Variants in SEC24B observed in about 807,000 individuals in gnomAD.
SEC24B encodes protein transport protein Sec24B.
A neutral mutation model predicts 142.8 loss-of-function variants in SEC24B; 45 were observed. That is an observed-to-expected ratio of 0.32 (90% CI 0.25 to 0.40). The LOEUF is 0.40. Among genes scored for constraint, SEC24B ranks in the 10% least tolerant of loss-of-function variants. The pLI is 1.00. For synonymous variants in SEC24B, 574 were observed against 568.2 expected, an observed-to-expected ratio of 1.01 and a Z score of -0.15; for missense variants, 1,409 against 1,526.8, an observed-to-expected ratio of 0.92 and a Z score of 1.29.
intron 4 of SEC24B, among the ~76,000 whole-genome samples, chr4:109,490,382 A>G (rs1366352229): frequency 6.6e-6 from 1 of 152,096 alleles, no homozygotes; most frequent in Non-Finnish European, 1.5e-5. Context: ...CCCTATTACA[A>G]TTGAAAATTA....
rs993082343 is a variant in SEC24B at position 109,463,001 on chromosome 4, G to T, written c.234G>T (p.Met78Ile). The T allele has an allele frequency of 1.9e-6, 3 of 1,613,974 alleles. No individual in the cohort carries two copies. The highest frequency in any genetic ancestry group is 2.7e-5 in the African/African-American group (2 of 74,902). The part of the protein sequence containing the change: ...SGHYSQGPGK[M>I]TSLPLDTQCG... Reference sequence around the variant, plus strand: ...ATTACTCTCAAGGACCTGGGAAAATGACCTCATTGCCATTGGATACCCAGT... The same window carrying T: ...ATTACTCTCAAGGACCTGGGAAAATTACCTCATTGCCATTGGATACCCAGT... The change falls in exon 2 of 24, where the codon ATG (methionine) becomes ATT (isoleucine). Residue 78 changes from methionine to isoleucine, a missense_variant. Met to Ile is a conservative substitution (Grantham distance 10, BLOSUM62 1). This residue lies in a region of SEC24B where 709 missense variants were observed against 673.5 expected (regional missense o/e 1.05). Coordinates refer to ENST00000265175, the MANE Select transcript of SEC24B (RefSeq NM_006323.5).
At position 109,524,904 on chromosome 4, in the gene SEC24B, C is replaced by T. The variant is rs2126080708; in HGVS notation, c.2595C>T (p.Phe865=). 1 of 1,612,074 alleles carries T rather than the reference C, an allele frequency of 6.2e-7. No individual in the cohort carries two copies. The highest frequency in any genetic ancestry group is 2.2e-5 in the East Asian group (1 of 44,724). ...CSGQQTAVDL[F]LLSSQYSDLA... is the part of the protein sequence containing the mutation. ...GACAGCAAACTGCAGTGGATTTGTT[C>T]CTTTTAAGTTCACAGTATTCTGATC... Residue 865 remains phenylalanine (F), a synonymous_variant, in exon 15 of 24, where the codon TTC becomes TTT. Transcript: ENST00000265175.
At chr4:109,521,662 T>G (rs762777419) in intron 14 of SEC24B, 36 bp downstream of exon 14, 9 of 1,392,716 alleles carry the variant, frequency 6.5e-6, no homozygotes, top group Non-Finnish European at 8.0e-6. Context: ...TATTCAAGAT[T>G]GTGTAATTAT....
At chr4:109,492,705 C>T (rs1184364874) in intron 5 of SEC24B, among the ~76,000 whole-genome samples, 1 of 152,034 alleles carries the variant, frequency 6.6e-6, no homozygotes, top group Non-Finnish European at 1.5e-5. Flanking sequence ...TCTATAGAAA[C>T]CTAGAAATAT....
chr4:109,507,487 T>C (rs1736822858), intron 7 of SEC24B, among the ~76,000 whole-genome samples: 1 of 152,126 alleles, frequency 6.6e-6, no homozygotes, highest in African/African-American at 2.4e-5. Flanking sequence ...TTGGGCAGAC[T>C]GTTCTCGAAC....
At chr4:109,533,069 G>C (rs1238972144) in intron 21 of SEC24B, among the ~76,000 whole-genome samples, 1 of 152,156 alleles carries the variant, frequency 6.6e-6, no homozygotes, top group Admixed American at 6.5e-5. Context: ...TTACCATCTA[G>C]AGTCTAGAAT....
intron 9 of SEC24B, among the ~76,000 whole-genome samples, chr4:109,513,534 G>T (rs1286739563): frequency 6.6e-6 from 1 of 151,912 alleles, no homozygotes; most frequent in African/African-American, 2.4e-5. Flanking sequence ...CGCCCGCCGC[G>T]GCCGCCCAAA....
intron 14 of SEC24B, among the ~76,000 whole-genome samples, chr4:109,522,077 A>G (rs1333647070): frequency 8.5e-6 from 1 of 117,128 alleles, no homozygotes; most frequent in Non-Finnish European, 1.8e-5. Flanking sequence ...TTTGAGACGG[A>G]GTCTTGCTCT....
At chr4:109,529,783 A>G (rs1429086034) in intron 18 of SEC24B, among the ~76,000 whole-genome samples, 1 of 152,208 alleles carries the variant, frequency 6.6e-6, no homozygotes, top group African/African-American at 2.4e-5. Flanking sequence ...TCTGTCGCCC[A>G]TGCCAGAGTG....
chr4:109,481,862 T>TA, intron 4 of SEC24B, 81 bp downstream of exon 4: 1 of 947,764 alleles, frequency 1.1e-6, no homozygotes. Flanking sequence ...CTTAGCCTTT[T>TA]AAAAAAGAGT....
chr4:109,460,182 G>A (rs906985874), intron 1 of SEC24B, among the ~76,000 whole-genome samples: 5 of 152,058 alleles, frequency 3.3e-5, no homozygotes, highest in Non-Finnish European at 7.4e-5. Context: ...TATGCTGGCC[G>A]TAGAATATAT....
chr4:109,487,165 CAAAAAAAA>C (rs372133489), intron 4 of SEC24B, among the ~76,000 whole-genome samples: 1 of 54,206 alleles, frequency 1.8e-5, no homozygotes, highest in African/African-American at 6.4e-5. Flanking sequence ...GACTCTGTCT[CAAAAAAAA>C]AAAAAAAAAA....
At chr4:109,491,214 TAGAATC>T in intron 4 of SEC24B, 107 bp from the exon 5 acceptor site, 1 of 723,026 alleles carries the variant, frequency 1.4e-6, no homozygotes, top group Non-Finnish European at 2.3e-6. Context: ...ACTTTTTTAC[TAGAATC>T]AGGAATTTTC....
intron 11 of SEC24B, among the ~76,000 whole-genome samples, chr4:109,518,786 G>A (rs554881073): frequency 9.9e-4 from 143 of 144,530 alleles, no homozygotes; most frequent in African/African-American, 3.6e-3. Flanking sequence ...TTGTTGGTTT[G>A]TTGTTGATGT....
At chr4:109,507,536 A>C (rs746440183) in intron 7 of SEC24B, among the ~76,000 whole-genome samples, 6 of 152,130 alleles carry the variant, frequency 3.9e-5, no homozygotes, top group Non-Finnish European at 7.4e-5. Context: ...GGCCTCCCAA[A>C]GTGGTGGGAT....
chr4:109,475,280 A>G (rs890770103), intron 3 of SEC24B, among the ~76,000 whole-genome samples: 6 of 152,154 alleles, frequency 3.9e-5, no homozygotes, highest in South Asian at 2.1e-4. Context: ...GAGCTATACA[A>G]CCTAATTGAG....
At chr4:109,474,068 A>G (rs371136630) in intron 3 of SEC24B, among the ~76,000 whole-genome samples, 5 of 152,214 alleles carry the variant, frequency 3.3e-5, no homozygotes, top group African/African-American at 9.6e-5. Flanking sequence ...TTGAGTGTCT[A>G]TGTGATCAAC....
intron 8 of SEC24B, among the ~76,000 whole-genome samples, chr4:109,511,648 AT>A (rs1578943680): frequency 6.6e-6 from 1 of 152,330 alleles, no homozygotes; most frequent in East Asian, 1.9e-4. Flanking sequence ...AGACAAAGGT[AT>A]TTGTATATGG....
intron 18 of SEC24B, among the ~76,000 whole-genome samples, chr4:109,529,920 G>T (rs947878959): frequency 6.6e-6 from 1 of 152,090 alleles, no homozygotes; most frequent in African/African-American, 2.4e-5. Context: ...TTTTTGTAGA[G>T]ACAAGGTCTC....
Sources: gnomAD v4.1 joint callset for allele counts (sites outside exome capture counted in the v4.1 genomes callset) on GRCh38, gnomAD v4.1.1 for gene constraint, gnomAD v4.1.1 regional missense constraint, MANE v1.5 for transcripts, NCBI Gene and HGNC (gene_info 2026-07-23, HGNC 2026-07-21) for gene names.